The following GLB1L3 variants were observed in gnomAD, a reference collection of about 807,000 sequenced individuals.
GLB1L3 encodes galactosidase beta 1 like 3.
A neutral mutation model predicts 89.5 loss-of-function variants in GLB1L3; 89 were observed. The observed-to-expected ratio is 0.99, with a 90% CI of 0.84 to 1.19. The LOEUF is 1.19. Among genes scored for constraint, GLB1L3 ranks in the 50% most tolerant of loss-of-function variants. GLB1L3 has a pLI of 0.00. For synonymous variants in GLB1L3, 314 were observed against 312.3 expected (o/e 1.01, Z -0.06); for missense variants, 812 against 813.3 (o/e 1.00, Z 0.02).
At chr11:134,311,229 C>A (rs200392877) in intron 13 of GLB1L3, 59 bp downstream of exon 13, 3 of 1,240,190 alleles carry the variant, frequency 2.4e-6, no homozygotes, top group Non-Finnish European at 3.6e-6. Flanking sequence ...GGGAGGGATT[C>A]CTTCAGGAAA....
At chr11:134,323,379 GCA>G (rs3065407), downstream of GLB1L3, among the ~76,000 whole-genome samples, 35 of 136,656 alleles carry the variant, frequency 2.6e-4, no homozygotes, top group South Asian at 1.4e-3. Context: ...ACATGCGTGC[GCA>G]CACACACACA....
chr11:134,281,306 TG>T, intron 3 of GLB1L3, 70 bp from the exon 4 acceptor site: 1 of 1,581,058 alleles, frequency 6.3e-7, no homozygotes, highest in Non-Finnish European at 8.7e-7. Context: ...GGCTTGGATT[TG>T]GGGCAGACCT....
intron 1 of GLB1L3, 133 bp downstream of exon 1, chr11:134,276,896 G>C (rs936881982): frequency 1.3e-6 from 1 of 770,102 alleles, no homozygotes; most frequent in East Asian, 3.6e-5. Context: ...CACCAAGCCC[G>C]CTGTCCCCAG....
intron 8 of GLB1L3, 59 bp from the exon 9 acceptor site, chr11:134,293,086 T>C: frequency 6.9e-7 from 1 of 1,450,384 alleles, no homozygotes; most frequent in South Asian, 1.1e-5. Context: ...GCGCATTCCT[T>C]CCCTTCCCTG....
intron 9 of GLB1L3, among the ~76,000 whole-genome samples, chr11:134,298,587 C>G (rs191180747): frequency 2.0e-5 from 3 of 152,130 alleles, no homozygotes; most frequent in African/African-American, 7.2e-5. Flanking sequence ...CAGTCTTTCC[C>G]GTGCTATTCT....
At chr11:134,313,679 G>T (rs140703888) in intron 16 of GLB1L3, among the ~76,000 whole-genome samples, 1 of 152,314 alleles carries the variant, frequency 6.6e-6, no homozygotes, top group South Asian at 2.1e-4. Flanking sequence ...CAGTGTGTTC[G>T]GTGCTGGCTT....
chr11:134,295,164 T>C (rs899782953), intron 9 of GLB1L3, among the ~76,000 whole-genome samples: 1 of 152,222 alleles, frequency 6.6e-6, no homozygotes, highest in Non-Finnish European at 1.5e-5. Context: ...CTTTTCTATT[T>C]TCTGGAACAG....
At chr11:134,322,993 C>G (rs996268616), downstream of GLB1L3, among the ~76,000 whole-genome samples, 1 of 152,168 alleles carries the variant, frequency 6.6e-6, no homozygotes, top group African/African-American at 2.4e-5. Flanking sequence ...AAGCATTAAA[C>G]TGTTTCCAAA....
intron 7 of GLB1L3, among the ~76,000 whole-genome samples, 186 bp from the exon 8 acceptor site, chr11:134,291,946 G>T (rs546817660): frequency 6.6e-6 from 1 of 152,320 alleles, no homozygotes; most frequent in African/African-American, 2.4e-5. Flanking sequence ...CTGCACTCCA[G>T]CCCGGGGAAA....
chr11:134,289,333 G>A (rs367545736), intron 7 of GLB1L3, among the ~76,000 whole-genome samples: 1 of 151,992 alleles, frequency 6.6e-6, no homozygotes, highest in African/African-American at 2.4e-5. Context: ...AGGAGGAAGA[G>A]GTGGAGGAGG....
chr11:134,311,230 C>G (rs1222578702), intron 13 of GLB1L3, 60 bp downstream of exon 13: 4 of 1,204,096 alleles, frequency 3.3e-6, no homozygotes, highest in Non-Finnish European at 4.9e-6. Context: ...GGAGGGATTC[C>G]TTCAGGAAAC....
In GLB1L3 at chr11:134,292,134, C is replaced by T; in HGVS notation, c.732C>T (p.Ala244=). Reference sequence around the variant, plus strand: ...ATTTTGGTTAATTTTCTCAACAGGCCCTGCTGAGAAGAGGGATTGTGGAGC... The same window carrying T: ...ATTTTGGTTAATTTTCTCAACAGGCTCTGCTGAGAAGAGGGATTGTGGAGC... ...DKTYMPYLHK[A]LLRRGIVELL... Residue 244 remains alanine (A), a splice_region_variant and synonymous_variant, in exon 8 of 20, where the codon GCC becomes GCT. Transcript: ENST00000431683. The T allele has an allele frequency of 6.2e-7, 1 of 1,612,934 alleles. No individual in the cohort carries two copies. The highest frequency in any genetic ancestry group is 8.5e-7 in the Non-Finnish European group (1 of 1,179,188).
chr11:134,289,944 C>A (rs1941251616), intron 7 of GLB1L3, among the ~76,000 whole-genome samples: 1 of 152,228 alleles, frequency 6.6e-6, no homozygotes, highest in Non-Finnish European at 1.5e-5. Context: ...TGACTCCGCC[C>A]TTGCCTCTGC....
At chr11:134,276,884 G>T (rs1940394177) in intron 1 of GLB1L3, 121 bp downstream of exon 1, 2 of 880,232 alleles carry the variant, frequency 2.3e-6, no homozygotes, top group East Asian at 3.5e-5. Flanking sequence ...GCCGGGCCGC[G>T]CCACCAAGCC....
At chr11:134,322,447 T>C (rs1038308100), downstream of GLB1L3, among the ~76,000 whole-genome samples, 1 of 152,226 alleles carries the variant, frequency 6.6e-6, no homozygotes, top group Non-Finnish European at 1.5e-5. Context: ...TAAACTCTTT[T>C]AAAGTCTACA....
At chr11:134,276,097 A>G (rs1940358232), upstream of GLB1L3, 1 of 152,592 alleles carries the variant, frequency 6.6e-6, no homozygotes, top group African/African-American at 2.4e-5. Context: ...CTACTTCGTC[A>G]CCAAAGCGCC....
At chr11:134,275,981 T>A (rs1333310877), upstream of GLB1L3, 1 of 152,620 alleles carries the variant, frequency 6.6e-6, no homozygotes, top group East Asian at 1.9e-4. Flanking sequence ...CCTGGCTTAG[T>A]TTCTGCTGGA....
chr11:134,294,027 T>C (rs1941500612), intron 9 of GLB1L3, among the ~76,000 whole-genome samples: 1 of 152,080 alleles, frequency 6.6e-6, no homozygotes, highest in Non-Finnish European at 1.5e-5. Context: ...TCCACCCACA[T>C]TATAAATAAG....
chr11:134,303,534 A>G (rs1225887653), intron 9 of GLB1L3, among the ~76,000 whole-genome samples: 1 of 152,136 alleles, frequency 6.6e-6, no homozygotes, highest in African/African-American at 2.4e-5. Context: ...TCATCCTTGA[A>G]ATTTTAATGT....
Sources: gnomAD v4.1 joint callset for allele counts (sites outside exome capture counted in the v4.1 genomes callset) on GRCh38, gnomAD v4.1.1 for gene constraint, MANE v1.5 for transcripts, NCBI Gene and HGNC (gene_info 2026-07-23, HGNC 2026-07-21) for gene names.